EHMT1: variants seen among roughly 807,000 people sequenced by gnomAD.
EHMT1 encodes the protein euchromatic histone lysine methyltransferase 1.
In EHMT1, 15 loss-of-function variants were observed where a neutral mutation model predicts 147.2. The ratio of observed to expected loss-of-function variants is 0.10; its 90% CI spans 0.07 to 0.16. The LOEUF (loss-of-function observed/expected upper bound fraction) is 0.16. Ranked by LOEUF, EHMT1 falls within the 10% of genes least tolerant of loss-of-function variation. EHMT1 has a pLI of 1.00. For synonymous variants in EHMT1, 795 were observed against 709.6 expected, an observed-to-expected ratio of 1.12 and a Z score of -1.91; for missense variants, 1,587 against 1,772.4, an observed-to-expected ratio of 0.90 and a Z score of 1.88.
intron 21 of EHMT1, 126 bp from the exon 22 acceptor site, chr9:137,814,305 C>T (rs1437390359): frequency 1.0e-5 from 10 of 985,620 alleles, no homozygotes; most frequent in African/African-American, 3.2e-5. Flanking sequence ...CACACACTCA[C>T]GTGGTGCCTT....
chr9:137,779,564 G>A, intron 13 of EHMT1, 71 bp from the exon 14 acceptor site: 2 of 1,544,504 alleles, frequency 1.3e-6, no homozygotes, highest in Non-Finnish European at 1.8e-6. Flanking sequence ...TGTCCGCCGG[G>A]CCTTCCAGCC....
At chr9:137,633,154 C>T (rs1171952226) in intron 1 of EHMT1, among the ~76,000 whole-genome samples, 2 of 152,140 alleles carry the variant, frequency 1.3e-5, no homozygotes, top group South Asian at 2.1e-4. Flanking sequence ...GCCATTCACC[C>T]GGACAGGGAA....
chr9:137,687,878 C>T (rs929059879), intron 1 of EHMT1, among the ~76,000 whole-genome samples: 5 of 152,226 alleles, frequency 3.3e-5, no homozygotes, highest in Admixed American at 3.3e-4. Context: ...ATCGTGTCAC[C>T]GTCTTCACGG....
intron 10 of EHMT1, among the ~76,000 whole-genome samples, chr9:137,766,868 C>G (rs975873598): frequency 6.6e-6 from 1 of 152,116 alleles, no homozygotes; most frequent in Non-Finnish European, 1.5e-5. Flanking sequence ...ACTTGGACCC[C>G]CAGGCTGGAA....
intron 1 of EHMT1, among the ~76,000 whole-genome samples, chr9:137,632,256 C>G (rs2133635180): frequency 6.6e-6 from 1 of 152,288 alleles, no homozygotes. Flanking sequence ...AGAGCTGGCT[C>G]TGCCCTGGGC....
chr9:137,624,280 C>G (rs114962826), intron 1 of EHMT1, among the ~76,000 whole-genome samples: 1,878 of 150,930 alleles, frequency 0.012, 39 homozygotes, highest in African/African-American at 0.043. Context: ...GGATTACAGG[C>G]CAGGCATTAG....
At position 137,819,601 on chromosome 9, in the gene EHMT1, T is replaced by C. The variant is rs71510855; in HGVS notation, c.3540+1463T>C. Reference sequence around the variant, plus strand: ...ACTGAGGGGCGCCGTGTACCGAGACTGTAGAGAGGCCGATTGAGGGGCGCC... The same window carrying C: ...ACTGAGGGGCGCCGTGTACCGAGACCGTAGAGAGGCCGATTGAGGGGCGCC... On this transcript the variant is annotated intron_variant, in intron 25 of 26. Transcript: ENST00000460843. Among the ~76,000 whole-genome samples, 635 of 70,004 alleles carry C rather than the reference T, an allele frequency of 9.1e-3. 37 individuals carry two copies. The highest frequency in any genetic ancestry group is 0.036 in the South Asian group (63 of 1,774). The allele number at this position is 70,004 out of a possible 152,430, so 45.9% of individuals were successfully genotyped here.
At chr9:137,745,214 A>G (rs760005757) in intron 6 of EHMT1, among the ~76,000 whole-genome samples, 1 of 152,216 alleles carries the variant, frequency 6.6e-6, no homozygotes, top group Non-Finnish European at 1.5e-5. Context: ...TTTGTGTGCT[A>G]TGGCGTATCC....
intron 2 of EHMT1, among the ~76,000 whole-genome samples, chr9:137,712,598 T>G (rs373024241): frequency 3.3e-5 from 5 of 152,230 alleles, no homozygotes; most frequent in South Asian, 2.1e-4. Flanking sequence ...TGGAGAAATA[T>G]CTCTTCTCCT....
At position 137,678,728 on chromosome 9, in the gene EHMT1, C is replaced by T. The variant is rs574861265; in HGVS notation, c.22-32239C>T. Among the ~76,000 whole-genome samples, 586 of 148,380 alleles carry T rather than the reference C, an allele frequency of 3.9e-3. 2 individuals are homozygous for T. The highest frequency in any genetic ancestry group is 7.2e-3 in the Non-Finnish European group (484 of 67,148). On this transcript the variant is annotated intron_variant, in intron 1 of 26. Transcript: ENST00000460843. ...TGAATGTCCCCCCCCCCGCTCCCCCCGAAAAACGTATTGCACTCTACTCAG... is the reference window on the plus strand; with the variant it reads ...TGAATGTCCCCCCCCCCGCTCCCCCTGAAAAACGTATTGCACTCTACTCAG...
chr9:137,745,358 G>A (rs1948453830), intron 6 of EHMT1: 1 of 390,278 alleles, frequency 2.6e-6, no homozygotes, highest in Non-Finnish European at 4.5e-6. Context: ...TTGCTCCCAG[G>A]TTGTAGCTTG....
intron 18 of EHMT1, among the ~76,000 whole-genome samples, chr9:137,805,098 ATGTGTGAGTCAGTCATCTGCATG>A (rs1367590265): frequency 8.5e-6 from 1 of 118,072 alleles, no homozygotes; most frequent in African/African-American, 9.2e-5. Context: ...GAGAGTCTGC[ATGTGTGAGTCAGTCATCTGCATG>A]TGTGTGTCTC....
chr9:137,760,608 C>T (rs1254051618), intron 9 of EHMT1, among the ~76,000 whole-genome samples: 1 of 152,192 alleles, frequency 6.6e-6, no homozygotes, highest in African/African-American at 2.4e-5. Context: ...TGCTTTTTGG[C>T]TCTTTGCACA....
At chr9:137,799,174 GC>G (rs1388147921) in intron 17 of EHMT1, among the ~76,000 whole-genome samples, 13 of 135,494 alleles carry the variant, frequency 9.6e-5, no homozygotes, top group African/African-American at 3.3e-4. Flanking sequence ...CCACGGCATC[GC>G]CTTCCACACA....
At chr9:137,818,305 G>A (rs1480417502) in intron 25 of EHMT1, among the ~76,000 whole-genome samples, 167 bp downstream of exon 25, 1 of 152,166 alleles carries the variant, frequency 6.6e-6, no homozygotes, top group Non-Finnish European at 1.5e-5. Context: ...TTGGTTCTGT[G>A]CCCTGCATGG....
intron 17 of EHMT1, among the ~76,000 whole-genome samples, chr9:137,799,395 G>T (rs1953257053): frequency 6.6e-6 from 1 of 152,146 alleles, no homozygotes. Flanking sequence ...CTTCCTTCCT[G>T]CTCATTGTCC....
chr9:137,777,985 A>G lies in EHMT1; in HGVS notation c.2122A>G (p.Thr708Ala), dbSNP rs766412362. The part of the protein sequence containing the change: ...PTGPAGLGRP[T>A]PGLSQGPGKE... The stretch of plus-strand genomic sequence containing the variant: ...GGGACCTGCTGGGCTTGGGAGGCCA[A>G]CTCCCGGCCTTTCCCAGGGACCAGG... Residue 708 changes from threonine to alanine, a missense_variant, in exon 13 of 27, where the codon ACT (threonine) becomes GCT (alanine). Thr to Ala is a moderately conservative substitution (Grantham distance 58, BLOSUM62 0). Coordinates refer to ENST00000460843, the MANE Select transcript of EHMT1 (RefSeq NM_024757.5). 12 of 1,613,462 alleles carry G rather than the reference A, an allele frequency of 7.4e-6. No individual in the cohort carries two copies. In the South Asian group the frequency reaches 1.2e-4, roughly 16 times the overall value.
chr9:137,779,577 C>A, intron 13 of EHMT1, 58 bp from the exon 14 acceptor site: 1 of 1,596,250 alleles, frequency 6.3e-7, no homozygotes. Flanking sequence ...TTCCAGCCTT[C>A]AGCTTCATGT....
intron 1 of EHMT1, among the ~76,000 whole-genome samples, chr9:137,647,466 A>G (rs3123520): frequency 0.018 from 2,768 of 152,136 alleles, 73 homozygotes; most frequent in African/African-American, 0.062. Context: ...CCATGGCTGT[A>G]ATGGGGTCCC....
Sources: gnomAD v4.1 joint callset for allele counts (sites outside exome capture counted in the v4.1 genomes callset) on GRCh38, gnomAD v4.1.1 for gene constraint, MANE v1.5 for transcripts, NCBI Gene and HGNC (gene_info 2026-07-23, HGNC 2026-07-21) for gene names.